The following SHQ1 variants were observed in gnomAD, a reference collection of about 807,000 sequenced individuals.
SHQ1 encodes the protein SHQ1, H/ACA ribonucleoprotein assembly factor.
Under a neutral mutation model 53.8 loss-of-function variants are expected in SHQ1, and 49 were observed. The ratio of observed to expected loss-of-function variants is 0.91; its 90% CI spans 0.72 to 1.16. SHQ1 has a LOEUF of 1.16. Among genes scored for constraint, SHQ1 ranks in the 50% most tolerant of loss-of-function variants. SHQ1 has a pLI of 0.00. For synonymous variants in SHQ1, 243 were observed against 251.0 expected, an observed-to-expected ratio of 0.97 and a Z score of 0.30; for missense variants, 738 against 683.1, an observed-to-expected ratio of 1.08 and a Z score of -0.90.
At position 72,832,404 on chromosome 3, in the gene SHQ1, G is replaced by A. The variant is rs776904554; in HGVS notation, c.564C>T (p.Ala188=). 7.4e-6 allele frequency: 12 copies of A among 1,612,474 alleles called. No homozygotes were observed. Among genetic ancestry groups the A allele is most frequent in the African/African-American group, 4.0e-5 (3 of 74,864 alleles). The change falls in exon 5 of 11, where the codon GCC becomes GCT. Residue 188 remains alanine (A), a synonymous_variant. Transcript: ENST00000325599. ...PAAERRQKRL[A]AELAKFDPDH... ...CAGGATCAAACTTGGCCAGCTCAGC[G>A]GCCAGGCGCTTCTGTCTTCGTTCAG... is the stretch of plus-strand genomic sequence containing the variant.
chr3:72,812,102 CTTTTCAGGTTGAA>C (rs1019740336), intron 9 of SHQ1, among the ~76,000 whole-genome samples: 9 of 152,214 alleles, frequency 5.9e-5, no homozygotes, highest in Non-Finnish European at 1.2e-4. Flanking sequence ...GAGTGTTTGT[CTTTTCAGGTTGAA>C]TTTAGCAAGT....
chr3:72,838,471 T>C (rs1192293324), intron 4 of SHQ1, among the ~76,000 whole-genome samples: 3 of 152,222 alleles, frequency 2.0e-5, no homozygotes, highest in African/African-American at 7.2e-5. Context: ...AAGCTTAGAA[T>C]AATAAACATT....
At chr3:72,787,826 T>C (rs981938295) in intron 10 of SHQ1, among the ~76,000 whole-genome samples, 3 of 151,428 alleles carry the variant, frequency 2.0e-5, no homozygotes, top group African/African-American at 7.3e-5. Flanking sequence ...CTGATTCTCC[T>C]GCCTCAGCCT....
At chr3:72,818,257 A>C (rs189299583) in intron 6 of SHQ1, among the ~76,000 whole-genome samples, 42 of 152,226 alleles carry the variant, frequency 2.8e-4, no homozygotes, top group Admixed American at 2.7e-3. Context: ...AAGGAGTATA[A>C]TATTCCAAAA....
At chr3:72,742,577 G>A in the SHQ1 span, among the ~76,000 whole-genome samples, 2 of 151,230 alleles carry the variant, frequency 1.3e-5, no homozygotes. Flanking sequence ...AGGTATCTGT[G>A]GTTTCTCAGG....
At chr3:72,776,282 T>C (rs1003618740) in intron 10 of SHQ1, among the ~76,000 whole-genome samples, 1 of 152,132 alleles carries the variant, frequency 6.6e-6, no homozygotes, top group Admixed American at 6.5e-5. Flanking sequence ...CCCATAAGAG[T>C]ATAATACTCT....
At chr3:72,760,870 T>G (rs1367702983) in intron 10 of SHQ1, among the ~76,000 whole-genome samples, 3 of 152,112 alleles carry the variant, frequency 2.0e-5, no homozygotes, top group African/African-American at 7.2e-5. Context: ...TGGCAGAAAA[T>G]AACTCTGTCT....
At position 72,809,324 on chromosome 3, in the gene SHQ1, T is replaced by G. The variant is rs1465082451; in HGVS notation, c.1060+3347A>C. ...ACTGAAATTAGACTCCTCTTGTGAC[T>G]AGAAGTGGTAAAAGAACTTTTTTAA... On this transcript the variant is annotated intron_variant, in intron 9 of 10. Coordinates refer to ENST00000325599, the MANE Select transcript of SHQ1 (RefSeq NM_018130.3). Among the ~76,000 whole-genome samples the G allele has an allele frequency of 2.6e-5, 4 of 152,220 alleles. No homozygotes were observed. The East Asian group carries it at 7.7e-4, about 29-fold the overall frequency.
intron 10 of SHQ1, among the ~76,000 whole-genome samples, chr3:72,779,697 T>C (rs1706034116): frequency 6.6e-6 from 1 of 152,172 alleles, no homozygotes; most frequent in Admixed American, 6.5e-5. Flanking sequence ...ACAACCACCA[T>C]TTCCACCTAG....
At chr3:72,820,329 C>T (rs760210725) in intron 6 of SHQ1, among the ~76,000 whole-genome samples, 4 of 152,184 alleles carry the variant, frequency 2.6e-5, no homozygotes, top group Non-Finnish European at 5.9e-5. Flanking sequence ...TTCTTGGATA[C>T]TAGGAGCTGC....
chr3:72,841,826 T>C (rs568636962), intron 3 of SHQ1, among the ~76,000 whole-genome samples: 1 of 152,302 alleles, frequency 6.6e-6, no homozygotes, highest in African/African-American at 2.4e-5. Context: ...CAGTTCACAG[T>C]AAGTTCATGC....
At chr3:72,746,748 C>T (rs1705266188), downstream of SHQ1, among the ~76,000 whole-genome samples, 1 of 152,086 alleles carries the variant, frequency 6.6e-6, no homozygotes, top group African/African-American at 2.4e-5. Flanking sequence ...TTCCTAAGAA[C>T]AAAAATTGAT....
Position 72,832,491 on chromosome 3 carries a change from C to T in SHQ1, c.487-10G>A, listed in dbSNP as rs1446407004. ...CATCACTCAGTTCATCCTGAGGACA[C>T]CCAGAAAAGAAAGAATAATTGCTAT... On this transcript the variant is annotated splice_polypyrimidine_tract_variant and intron_variant, in intron 4 of 10. Coordinates refer to ENST00000325599, the MANE Select transcript of SHQ1 (RefSeq NM_018130.3). 9 of 1,554,796 alleles carry T rather than the reference C, an allele frequency of 5.8e-6. No homozygotes were observed. In the African/African-American group the frequency reaches 8.3e-5, roughly 14 times the overall value.
At chr3:72,765,557 A>ATATATTTTT (rs1491527508) in intron 10 of SHQ1, among the ~76,000 whole-genome samples, 17 of 57,182 alleles carry the variant, frequency 3.0e-4, no homozygotes, top group African/African-American at 1.1e-3. Context: ...ATATATATAT[A>ATATATTTTT]TTTTTTTTTT....
chr3:72,840,911 T>A (rs1708160677), intron 4 of SHQ1, 134 bp downstream of exon 4: 1 of 994,286 alleles, frequency 1.0e-6, no homozygotes, highest in Admixed American at 2.7e-5. Context: ...GTACTTTAGC[T>A]GTGCTAAGTG....
At position 72,812,805 on chromosome 3, in the gene SHQ1, T is replaced by C; in HGVS notation, c.937-11A>G. The C allele has an allele frequency of 6.2e-7, 1 of 1,613,514 alleles. No individual in the cohort carries two copies. The highest frequency in any genetic ancestry group is 8.5e-7 in the Non-Finnish European group (1 of 1,179,748). ...AACGTTAGTCCAAGTCTGTGAAGTG[T>C]CATTTTAATAAGCAGTCATTTCCAC... is the stretch of plus-strand genomic sequence containing the variant. On this transcript the variant is annotated splice_polypyrimidine_tract_variant and intron_variant, in intron 8 of 10. Transcript: ENST00000325599.
At chr3:72,765,374 C>G (rs924168106) in intron 10 of SHQ1, among the ~76,000 whole-genome samples, 22 of 151,326 alleles carry the variant, frequency 1.5e-4, no homozygotes, top group Non-Finnish European at 2.9e-4. Context: ...AAGAGTAGCT[C>G]TACCTCCAGA....
At chr3:72,779,062 T>C (rs1328937974) in intron 10 of SHQ1, among the ~76,000 whole-genome samples, 1 of 152,214 alleles carries the variant, frequency 6.6e-6, no homozygotes, top group Non-Finnish European at 1.5e-5. Flanking sequence ...TCTCCCATCA[T>C]ATGCTGAAAA....
chr3:72,765,555 ATATTTTTTTT>A, intron 10 of SHQ1, among the ~76,000 whole-genome samples: 1 of 71,726 alleles, frequency 1.4e-5, no homozygotes, highest in African/African-American at 6.5e-5. Flanking sequence ...ATATATATAT[ATATTTTTTTT>A]TTTTTTTTGA....
Sources: allele counts gnomAD v4.1 joint callset (sites outside exome capture counted in the v4.1 genomes callset), GRCh38; gene constraint gnomAD v4.1.1; transcripts MANE v1.5; gene names NCBI Gene and HGNC (gene_info 2026-07-23, HGNC 2026-07-21).